The following TRIT1 variants were observed in gnomAD, a reference collection of about 807,000 sequenced individuals.
TRIT1 encodes the protein tRNA dimethylallyltransferase.
In TRIT1, 43 loss-of-function variants were observed where a neutral mutation model predicts 51.2. The ratio of observed to expected loss-of-function variants is 0.84; its 90% CI spans 0.66 to 1.08. TRIT1 has a LOEUF of 1.08. TRIT1 is among the 50% of genes least tolerant of loss of function. TRIT1 has a pLI of 0.00. For synonymous variants in TRIT1, 184 were observed against 203.9 expected (o/e 0.90, Z 0.83); for missense variants, 528 against 578.4 (o/e 0.91, Z 0.89).
chr1:39,844,514 T>TCA lies in TRIT1; in HGVS notation c.1116+15_1116+16dup, dbSNP rs1557529194. 1.3e-6 allele frequency: 2 copies of TCA among 1,591,014 alleles called. No individual in the cohort carries two copies. The highest frequency in any genetic ancestry group is 8.6e-7 in the Non-Finnish European group (1 of 1,158,906). On this transcript the variant is annotated intron_variant, in intron 9 of 10. Coordinates refer to ENST00000316891, the MANE Select transcript of TRIT1 (RefSeq NM_017646.6). ...TCTGAAAACCAGAAAATAGAATGTATCATGATTCATAATTACCTGGATGAA... is the reference window on the plus strand; with the variant it reads ...TCTGAAAACCAGAAAATAGAATGTATCACATGATTCATAATTACCTGGATGAA...
At chr1:39,874,451 A>G (rs187072666) in intron 1 of TRIT1, among the ~76,000 whole-genome samples, 1 of 152,322 alleles carries the variant, frequency 6.6e-6, no homozygotes, top group African/African-American at 2.4e-5. Flanking sequence ...AAAGATATCC[A>G]TAACATAGTG....
intron 1 of TRIT1, chr1:39,875,947 A>G (rs1301776783): frequency 6.6e-6 from 1 of 152,102 alleles, no homozygotes; most frequent in African/African-American, 2.4e-5. Flanking sequence ...ACTGCCTGAC[A>G]TATATATTAT....
At chr1:39,879,886 A>AC (rs986407813) in intron 1 of TRIT1, among the ~76,000 whole-genome samples, 1 of 149,468 alleles carries the variant, frequency 6.7e-6, no homozygotes, top group Non-Finnish European at 1.5e-5. Context: ...AAAAAAAAAA[A>AC]AAAAAAAAGG....
rs1196799263 is a variant in TRIT1, at chr1:39,840,718, C to T, written c.*1026G>A. 1.3e-5 allele frequency among the ~76,000 whole-genome samples: 2 copies of T among 152,140 alleles called. No homozygotes were observed. The highest frequency in any genetic ancestry group is 1.5e-5 in the Non-Finnish European group (1 of 68,026). ...TTTGGAAATAGTGGCAACGATTGCACAACATTGTGAATGTAGTTAATGCTG... is the reference window on the plus strand; with the variant it reads ...TTTGGAAATAGTGGCAACGATTGCATAACATTGTGAATGTAGTTAATGCTG... On this transcript the variant is annotated 3_prime_UTR_variant, in exon 11 of 11. Transcript: ENST00000316891.
intron 1 of TRIT1, among the ~76,000 whole-genome samples, chr1:39,880,195 A>AC (rs10659936): frequency 2.7e-5 from 4 of 147,260 alleles, no homozygotes; most frequent in African/African-American, 1.0e-4. Flanking sequence ...AACAACAACA[A>AC]AAACAAAGTT....
rs79374109 is a variant in TRIT1 at position 39,847,231 on chromosome 1, C to T, written c.995G>A (p.Arg332His). Residue 332 changes from arginine to histidine, a missense_variant, in exon 8 of 11, where the codon CGT (arginine) becomes CAT (histidine). By Grantham distance (29) the Arg-to-His change is conservative. Around this residue, in one of 3 missense-constraint regions of TRIT1, gnomAD observed 468 missense variants for 522.6 expected, o/e 0.90. Transcript: ENST00000316891. ...ARKQNRWVKN[R>H]FLSRPGPIVP... is the part of the protein sequence containing the mutation. ...AACATGAGACTTACTGCTCAAAAAA[C>T]GGTTTTTAACCCATCGGTTTTGTTT... The T allele has an allele frequency of 9.9e-5, 160 of 1,614,090 alleles. 1 individual carries two copies. The East Asian group carries it at 2.4e-3, about 24-fold the overall frequency.
intron 1 of TRIT1, among the ~76,000 whole-genome samples, chr1:39,879,485 AAT>A (rs34841905): frequency 3.7e-4 from 55 of 148,376 alleles, no homozygotes; most frequent in East Asian, 3.9e-4. Flanking sequence ...GAGGATTTTA[AAT>A]ATATATATAT....
intron 10 of TRIT1, 30 bp from the exon 11 acceptor site, chr1:39,841,943 A>C (rs563109594): frequency 6.3e-7 from 1 of 1,577,914 alleles, no homozygotes; most frequent in South Asian, 1.2e-5. Flanking sequence ...CCAAACAAAC[A>C]AAAAAACTCA....
intron 3 of TRIT1, among the ~76,000 whole-genome samples, chr1:39,853,626 G>A (rs113783112): frequency 6.6e-6 from 1 of 152,186 alleles, no homozygotes; most frequent in African/African-American, 2.4e-5. Flanking sequence ...TGGCCAGGCT[G>A]GTCTCGAACT....
chr1:39,862,995 C>T, intron 1 of TRIT1: 1 of 976,564 alleles, frequency 1.0e-6, no homozygotes, highest in Non-Finnish European at 1.2e-6. Context: ...CATATTTTGA[C>T]AACTAAGGGA....
Position 39,841,782 on chromosome 1 carries a change from G to C in TRIT1, c.1366C>G (p.Pro456Ala). 6.2e-7 allele frequency: 1 copy of C among 1,613,734 alleles called. No individual in the cohort carries two copies. Among genetic ancestry groups the C allele is most frequent in the Non-Finnish European group, 8.5e-7 (1 of 1,179,878 alleles). The change falls in exon 11 of 11, where the codon CCA (proline) becomes GCA (alanine). Residue 456 changes from proline to alanine, a missense_variant. Physicochemically the swap from Pro to Ala is conservative, Grantham distance 27 (BLOSUM62 -1). Coordinates refer to ENST00000316891, the MANE Select transcript of TRIT1 (RefSeq NM_017646.6). ...TTCAGCTCTTGATCATTCTGCCCTG[G>C]GGATCCCTTCTCTTTAGGTTCTTTG... ...HNKEPKEKGS[P>A]GQNDQELKCS...
chr1:39,870,220 G>A lies in TRIT1; in HGVS notation c.175-12803C>T, dbSNP rs541847813. ...AATCTATGGCCTTACCCCCAACCCC[G>A]TGCTCTCTGAAACATGTGCTGTGTC... is the stretch of plus-strand genomic sequence containing the variant. On this transcript the variant is annotated intron_variant, in intron 1 of 10. Coordinates refer to ENST00000316891, the MANE Select transcript of TRIT1 (RefSeq NM_017646.6). 5.9e-5 allele frequency among the ~76,000 whole-genome samples: 9 copies of A among 152,222 alleles called. No homozygotes were observed. The South Asian group carries it at 1.4e-3, about 25-fold the overall frequency.
chr1:39,841,014 G>A lies in TRIT1; in HGVS notation c.*730C>T, dbSNP rs1641858825. ...ACAGAGCATACTGTGTATAAACTAGGCATGGACTTGTATATCTTTTTAAGG... is the reference window on the plus strand; with the variant it reads ...ACAGAGCATACTGTGTATAAACTAGACATGGACTTGTATATCTTTTTAAGG... On this transcript the variant is annotated 3_prime_UTR_variant, in exon 11 of 11. Coordinates refer to ENST00000316891, the MANE Select transcript of TRIT1 (RefSeq NM_017646.6). 1 of 152,156 alleles carries A rather than the reference G, an allele frequency of 6.6e-6. No individual in the cohort carries two copies. Among genetic ancestry groups the A allele is most frequent in the South Asian group, 2.1e-4 (1 of 4,824 alleles). The allele number at this position is 152,156 out of a possible 1,614,324, so 9.4% of individuals were successfully genotyped here.
rs1453251885 is a variant in TRIT1 at position 39,857,423 on chromosome 1, G to A, written c.175-6C>T. On this transcript the variant is annotated splice_polypyrimidine_tract_variant and splice_region_variant and intron_variant, in intron 1 of 10. Transcript: ENST00000316891. The stretch of plus-strand genomic sequence containing the variant: ...ATGTCTAGGCCTTCATAGACCTAGG[G>A]GAAAGAAAATTAACATGAGAAAGTC... The A allele has an allele frequency of 6.2e-7, 1 of 1,607,486 alleles. No homozygotes were observed. Among genetic ancestry groups the A allele is most frequent in the African/African-American group, 1.3e-5 (1 of 74,572 alleles).
At chr1:39,859,825 A>G (rs1025093507) in intron 1 of TRIT1, among the ~76,000 whole-genome samples, 37 of 152,224 alleles carry the variant, frequency 2.4e-4, no homozygotes, top group African/African-American at 8.9e-4. Flanking sequence ...TTTTACACTG[A>G]GATTAATGTT....
intron 1 of TRIT1, 147 bp downstream of exon 1, chr1:39,883,171 G>C: frequency 1.4e-6 from 1 of 733,070 alleles, no homozygotes; most frequent in Non-Finnish European, 2.2e-6. Flanking sequence ...TGTCTGGCAT[G>C]CGGCGGGTGC....
Position 39,883,441 on chromosome 1 carries a change from C to T in TRIT1, c.51G>A (p.Arg17=). The T allele has an allele frequency of 6.2e-7, 1 of 1,610,976 alleles. No homozygotes were observed. ...CAAGAGGTAGGGTCCGTTGCAGGCC[C>T]CTGAGCCCACTGCCCACGGGAACTG... ...ARAVPVGSGL[R]GLQRTLPLVV... The change falls in exon 1 of 11, where the codon AGG becomes AGA. Residue 17 remains arginine, a synonymous_variant. Transcript: ENST00000316891.
chr1:39,864,924 C>T (rs1643452055), intron 1 of TRIT1, among the ~76,000 whole-genome samples: 2 of 152,170 alleles, frequency 1.3e-5, no homozygotes, highest in Admixed American at 1.3e-4. Flanking sequence ...TTATCTTCCA[C>T]CTTTTCACTT....
chr1:39,878,923 T>C (rs1644154008), intron 1 of TRIT1, among the ~76,000 whole-genome samples: 1 of 152,136 alleles, frequency 6.6e-6, no homozygotes, highest in African/African-American at 2.4e-5. Flanking sequence ...AAAATACATC[T>C]TTTTCCTGAT....
Sources: gnomAD v4.1 joint callset for allele counts (sites outside exome capture counted in the v4.1 genomes callset) on GRCh38, gnomAD v4.1.1 for gene constraint, gnomAD v4.1.1 regional missense constraint, MANE v1.5 for transcripts, NCBI Gene and HGNC (gene_info 2026-07-23, HGNC 2026-07-21) for gene names.